The following ZNF365 variants were observed in gnomAD, a reference collection of about 807,000 sequenced individuals.
ZNF365 encodes zinc finger protein 365.
Under a neutral mutation model 35.0 loss-of-function variants are expected in ZNF365, and 22 were observed. The observed-to-expected ratio is 0.63, with a 90% confidence interval of 0.45 to 0.90. The LOEUF is 0.90. ZNF365 is among the 40% of genes least tolerant of loss of function. ZNF365 has a pLI of 0.00. For missense variants in ZNF365, 448 were observed against 500.3 expected, an observed-to-expected ratio of 0.90 and a Z score of 1.00; for synonymous variants, 188 against 196.2, an observed-to-expected ratio of 0.96 and a Z score of 0.35.
intron 3 of ZNF365, among the ~76,000 whole-genome samples, chr10:62,440,682 T>C (rs1840485696): frequency 6.6e-6 from 1 of 152,200 alleles, no homozygotes; most frequent in South Asian, 2.1e-4. Flanking sequence ...TAGTAGTGTT[T>C]GTAAAAGTGT....
At chr10:62,443,583 C>G (rs1359129352) in intron 3 of ZNF365, among the ~76,000 whole-genome samples, 1 of 152,184 alleles carries the variant, frequency 6.6e-6, no homozygotes, top group African/African-American at 2.4e-5. Context: ...ACATTAACTT[C>G]AACCTGGGGA....
chr10:62,421,998 A>G (rs1331484257), intron 3 of ZNF365, among the ~76,000 whole-genome samples: 1 of 152,238 alleles, frequency 6.6e-6, no homozygotes, highest in East Asian at 1.9e-4. Flanking sequence ...ACTGCCATAT[A>G]TCTTCATTGT....
chr10:62,425,567 G>C (rs370379052), intron 3 of ZNF365, among the ~76,000 whole-genome samples: 2 of 152,142 alleles, frequency 1.3e-5, no homozygotes, highest in African/African-American at 4.8e-5. Flanking sequence ...GTCCAGTCAA[G>C]GACCTGTGTG....
chr10:62,459,843 C>A (rs1312067745), intron 4 of ZNF365: 3 of 1,556,276 alleles, frequency 1.9e-6, no homozygotes, highest in Non-Finnish European at 2.6e-6. Context: ...GTTACAATAA[C>A]CAGCAGCCCA....
At chr10:62,461,337 C>G (rs1840844010) in intron 4 of ZNF365, among the ~76,000 whole-genome samples, 1 of 152,206 alleles carries the variant, frequency 6.6e-6, no homozygotes, top group Non-Finnish European at 1.5e-5. Context: ...GGACTGCCCC[C>G]AGTCGGAGGG....
intron 3 of ZNF365, among the ~76,000 whole-genome samples, chr10:62,413,065 G>A (rs1400480081): frequency 6.6e-6 from 1 of 152,134 alleles, no homozygotes; most frequent in Non-Finnish European, 1.5e-5. Context: ...TTACTGTATA[G>A]CAATGGTTCT....
intron 3 of ZNF365, among the ~76,000 whole-genome samples, chr10:62,429,190 GGAAT>G (rs1564586117): frequency 6.6e-6 from 1 of 152,150 alleles, no homozygotes. Context: ...GAAAGAAGTG[GGAAT>G]GGTTGTCATT....
At chr10:62,385,139 A>G (rs1464117782) in intron 2 of ZNF365, among the ~76,000 whole-genome samples, 4 of 152,218 alleles carry the variant, frequency 2.6e-5, no homozygotes, top group African/African-American at 4.8e-5. Flanking sequence ...AAACAAAATC[A>G]TAGGATACCA....
intron 1 of ZNF365, 57 bp from the exon 2 acceptor site, chr10:62,376,124 C>T: frequency 6.5e-7 from 1 of 1,547,390 alleles, no homozygotes; most frequent in South Asian, 1.2e-5. Context: ...GAGCAGCAAT[C>T]ATTTTAGTAG....
At chr10:62,447,983 A>G (rs990571252) in intron 3 of ZNF365, among the ~76,000 whole-genome samples, 3 of 152,346 alleles carry the variant, frequency 2.0e-5, no homozygotes, top group Admixed American at 6.5e-5. Flanking sequence ...CAAAGTTGAA[A>G]GAACTGTATC....
intron 2 of ZNF365, among the ~76,000 whole-genome samples, chr10:62,380,847 G>C (rs1839426448): frequency 2.0e-5 from 3 of 152,190 alleles, no homozygotes; most frequent in African/African-American, 4.8e-5. Flanking sequence ...TAGCTAATTT[G>C]CTGGCTGAGT....
intron 3 of ZNF365, among the ~76,000 whole-genome samples, chr10:62,427,684 G>T (rs1186602639): frequency 6.6e-5 from 10 of 152,122 alleles, no homozygotes; most frequent in Admixed American, 6.6e-4. Context: ...GCTTCACGGT[G>T]TTACCCTGGA....
At chr10:62,399,214 G>A (rs1402762293) in intron 4 of ZNF365, among the ~76,000 whole-genome samples, 1 of 152,070 alleles carries the variant, frequency 6.6e-6, no homozygotes, top group Non-Finnish European at 1.5e-5. Flanking sequence ...CATGAGTTCT[G>A]GTCCCATCTT....
intron 2 of ZNF365, among the ~76,000 whole-genome samples, chr10:62,382,398 T>G (rs1414749420): frequency 1.3e-5 from 2 of 152,190 alleles, no homozygotes; most frequent in East Asian, 3.8e-4. Context: ...GATGTGTTCC[T>G]TGCAGACTTA....
chr10:62,445,255 T>C (rs1228567037), intron 3 of ZNF365, among the ~76,000 whole-genome samples: 1 of 151,376 alleles, frequency 6.6e-6, no homozygotes, highest in Non-Finnish European at 1.5e-5. Context: ...TGTGTCTTTA[T>C]AGCAGCATGA....
At chr10:62,377,868 C>A (rs1468946317) in intron 2 of ZNF365, among the ~76,000 whole-genome samples, 1 of 152,114 alleles carries the variant, frequency 6.6e-6, no homozygotes, top group Non-Finnish European at 1.5e-5. Flanking sequence ...AATTTGAGTT[C>A]TATTATAGAG....
At chr10:62,409,002 A>G (rs530133333) in intron 3 of ZNF365, among the ~76,000 whole-genome samples, 89 of 151,994 alleles carry the variant, frequency 5.9e-4, no homozygotes, top group Admixed American at 1.8e-3. Flanking sequence ...CGGAATTCAA[A>G]CCCCCTTCTT....
chr10:62,402,228 C>T lies in ZNF365; in HGVS notation c.*2439C>T. 1 of 985,858 alleles carries T rather than the reference C, an allele frequency of 1.0e-6. No individual in the cohort carries two copies. Among genetic ancestry groups the T allele is most frequent in the Non-Finnish European group, 1.2e-6 (1 of 829,896 alleles). The allele number at this position is 985,858 out of a possible 1,614,324, so 61.1% of individuals were successfully genotyped here. On this transcript the variant is annotated 3_prime_UTR_variant, in exon 5 of 5. Coordinates refer to ENST00000395254, the MANE Select transcript of ZNF365 (RefSeq NM_014951.3). ...GGAGAGTAGATTTAATTTTATTTGT[C>T]TTGTAGGGAAGAAATCTTCCTTTGA...
At chr10:62,469,786 C>T (rs1460755073) in intron 4 of ZNF365, among the ~76,000 whole-genome samples, 2 of 152,112 alleles carry the variant, frequency 1.3e-5, no homozygotes, top group African/African-American at 2.4e-5. Context: ...CTGTGTGATA[C>T]TATTGTCACC....
Sources: allele counts gnomAD v4.1 joint callset (sites outside exome capture counted in the v4.1 genomes callset), GRCh38; gene constraint gnomAD v4.1.1; transcripts MANE v1.5; gene names NCBI Gene and HGNC (gene_info 2026-07-23, HGNC 2026-07-21).